Variants in SPATA19 observed in about 807,000 individuals in gnomAD.
The protein encoded by SPATA19 is spermatogenesis-associated protein 19, mitochondrial.
In SPATA19, 19 loss-of-function variants were observed where a neutral mutation model predicts 25.0. That is an observed-to-expected ratio of 0.76 (90% CI 0.53 to 1.11). The LOEUF (loss-of-function observed/expected upper bound fraction) is 1.11, where lower values mean the gene tolerates loss of function less well. SPATA19 is among the 50% of genes most tolerant of loss of function. The pLI is 0.00. For synonymous variants in SPATA19, 64 were observed against 69.3 expected, an observed-to-expected ratio of 0.92 and a Z score of 0.38; for missense variants, 222 against 211.4, an observed-to-expected ratio of 1.05 and a Z score of -0.31.
chr11:133,844,159 G>C (rs1316413333), intron 4 of SPATA19, 87 bp downstream of exon 4: 1 of 1,101,482 alleles, frequency 9.1e-7, no homozygotes, highest in Non-Finnish European at 1.4e-6. Flanking sequence ...GACATCTCTA[G>C]AGAAGAGCAT....
At chr11:133,842,591 A>T (rs749557181) in intron 4 of SPATA19, 29 bp from the exon 5 acceptor site, 6 of 1,550,422 alleles carry the variant, frequency 3.9e-6, no homozygotes, top group Non-Finnish European at 5.3e-6. Context: ...ACATTGGCAT[A>T]TGGGATCTGA....
intron 4 of SPATA19, among the ~76,000 whole-genome samples, chr11:133,843,555 G>A (rs1241844658): frequency 1.3e-5 from 2 of 152,242 alleles, no homozygotes; most frequent in African/African-American, 4.8e-5. Context: ...TGATGCGGCA[G>A]GGAAAGGAGG....
intron 4 of SPATA19, among the ~76,000 whole-genome samples, chr11:133,843,967 C>T (rs950372645): frequency 6.6e-6 from 1 of 152,208 alleles, no homozygotes; most frequent in African/African-American, 2.4e-5. Flanking sequence ...TTCTGAGCAA[C>T]TCAAGTGCAA....
At chr11:133,840,068 T>C (rs184087354), downstream of SPATA19, among the ~76,000 whole-genome samples, 59 of 152,248 alleles carry the variant, frequency 3.9e-4, 1 homozygote, top group East Asian at 0.01. Flanking sequence ...AAACACCTTA[T>C]CTATAGAGGA....
In SPATA19 at chr11:133,845,473, T is replaced by G. The variant is rs748222164; in HGVS notation, c.-27A>C. The G allele has an allele frequency of 6.2e-7, 1 of 1,612,986 alleles. No individual in the cohort carries two copies. Among genetic ancestry groups the G allele is most frequent in the Admixed American group, 1.7e-5 (1 of 60,004 alleles). The stretch of plus-strand genomic sequence containing the variant: ...TTTGAATGTATACCAGGCCCCCTTC[T>G]TGGCTCCCTCCTTCCATTGAAGCTG... On this transcript the variant is annotated 5_prime_UTR_variant, in exon 1 of 7. Coordinates refer to ENST00000299140, the MANE Select transcript of SPATA19 (RefSeq NM_174927.3).
At position 133,845,446 on chromosome 11, in the gene SPATA19, TC is replaced by T; in HGVS notation, c.-1del. The T allele has an allele frequency of 6.2e-7, 1 of 1,614,092 alleles. No homozygotes were observed. Among genetic ancestry groups the T allele is most frequent in the Non-Finnish European group, 8.5e-7 (1 of 1,179,980 alleles). The stretch of plus-strand genomic sequence containing the variant: ...TACACAATCCATGTCGTAATTATCA[TC>T]TTTGAATGTATACCAGGCCCCCTTC... On this transcript the variant is annotated 5_prime_UTR_variant, in exon 1 of 7. Coordinates refer to ENST00000299140, the MANE Select transcript of SPATA19 (RefSeq NM_174927.3).
chr11:133,842,644 C>A (rs1032426292), intron 4 of SPATA19, 82 bp from the exon 5 acceptor site: 15 of 1,077,358 alleles, frequency 1.4e-5, no homozygotes, highest in Non-Finnish European at 2.0e-5. Flanking sequence ...GAGATGGGAT[C>A]CTGCAAACAA....
chr11:133,837,459 G>GT (rs143015335), downstream of SPATA19, among the ~76,000 whole-genome samples: 11 of 152,338 alleles, frequency 7.2e-5, no homozygotes, highest in Non-Finnish European at 1.3e-4. Context: ...ACTTTCATGA[G>GT]TTTTGCCTTT....
intron 4 of SPATA19, among the ~76,000 whole-genome samples, chr11:133,843,463 G>A (rs746414593): frequency 5.3e-5 from 8 of 152,292 alleles, no homozygotes; most frequent in Non-Finnish European, 1.2e-4. Context: ...TTCCTAAAAG[G>A]CAGATGCCAC....
chr11:133,842,849 AGCCGTGG>A (rs1938339203), intron 4 of SPATA19, among the ~76,000 whole-genome samples: 1 of 152,174 alleles, frequency 6.6e-6, no homozygotes, highest in South Asian at 2.1e-4. Flanking sequence ...TGGTCTCGTG[AGCCGTGG>A]AATTCACCCT....
chr11:133,839,252 T>C (rs1168790249), downstream of SPATA19, among the ~76,000 whole-genome samples: 2 of 152,178 alleles, frequency 1.3e-5, no homozygotes, highest in Non-Finnish European at 2.9e-5. Context: ...TGCGGCACTA[T>C]TCACAATAGC....
intron 6 of SPATA19, 65 bp downstream of exon 6, chr11:133,841,965 G>T: frequency 6.9e-7 from 1 of 1,454,164 alleles, no homozygotes; most frequent in Non-Finnish European, 9.7e-7. Context: ...CAGCTGCAGT[G>T]CCCCTTCCCA....
intron 4 of SPATA19, 64 bp downstream of exon 4, chr11:133,844,182 G>C (rs1591685992): frequency 7.4e-7 from 1 of 1,357,004 alleles, no homozygotes; most frequent in East Asian, 2.3e-5. Context: ...GAGGGTTCGT[G>C]AAGAGAGGGG....
At chr11:133,841,575 T>A (rs1359548307) in intron 6 of SPATA19, among the ~76,000 whole-genome samples, 1 of 152,138 alleles carries the variant, frequency 6.6e-6, no homozygotes, top group Non-Finnish European at 1.5e-5. Context: ...ACAAGGCAAG[T>A]GGCCATGGGA....
chr11:133,838,204 T>C (rs1005647321), downstream of SPATA19, among the ~76,000 whole-genome samples: 5 of 152,214 alleles, frequency 3.3e-5, no homozygotes, highest in African/African-American at 9.7e-5. Context: ...ATGAAAAATA[T>C]GCTAAGGGCT....
At chr11:133,836,940 G>A (rs77151531), downstream of SPATA19, among the ~76,000 whole-genome samples, 11 of 152,156 alleles carry the variant, frequency 7.2e-5, no homozygotes, top group East Asian at 1.5e-3. Flanking sequence ...CTTAACCTAC[G>A]TGTTGTGTTA....
In SPATA19 at chr11:133,842,055, G is replaced by C; in HGVS notation, c.488C>G (p.Ser163Cys). ...VSAQDFSMRP[S>C]SSDC The stretch of plus-strand genomic sequence containing the variant: ...CTGTTGCTCTCAGCAGTCTGAGGAG[G>C]AGGGTCTCATACTGAAGTCCTGAGC... The change falls in exon 6 of 7, where the codon TCC (serine) becomes TGC (cysteine). Residue 163 changes from serine to cysteine, a missense_variant. Ser to Cys is a moderately radical substitution (Grantham distance 112, BLOSUM62 -1). Transcript: ENST00000299140. 6.2e-7 allele frequency: 1 copy of C among 1,614,112 alleles called. No homozygotes were observed. Among genetic ancestry groups the C allele is most frequent in the South Asian group, 1.1e-5 (1 of 91,080 alleles).
downstream of SPATA19, among the ~76,000 whole-genome samples, chr11:133,837,852 G>A (rs568188615): frequency 3.9e-5 from 6 of 152,092 alleles, no homozygotes; most frequent in Admixed American, 6.5e-5. Context: ...ATATAATAAC[G>A]GGATTACAGC....
intron 5 of SPATA19, 131 bp from the exon 6 acceptor site, chr11:133,842,236 G>T: frequency 2.2e-6 from 2 of 919,388 alleles, no homozygotes; most frequent in Non-Finnish European, 3.5e-6. Context: ...GGGCCTGGGA[G>T]CACAGTCATA....
Sources: gnomAD v4.1 joint callset for allele counts (sites outside exome capture counted in the v4.1 genomes callset) on GRCh38, gnomAD v4.1.1 for gene constraint, MANE v1.5 for transcripts, NCBI Gene and HGNC (gene_info 2026-07-23, HGNC 2026-07-21) for gene names.